The following ALMS1 variants were observed in gnomAD, a reference collection of about 807,000 sequenced individuals.
The protein encoded by ALMS1 is centrosome-associated protein ALMS1.
In ALMS1, 271 loss-of-function variants were observed where a neutral mutation model predicts 352.2. The ratio of observed to expected loss-of-function variants is 0.77; its 90% CI spans 0.70 to 0.85. The LOEUF (loss-of-function observed/expected upper bound fraction) is 0.85. Ranked by LOEUF, ALMS1 falls within the 40% of genes least tolerant of loss-of-function variation. The probability of loss-of-function intolerance (pLI) is 0.00; values close to 1 mark genes in which losing one functional copy is unlikely to be tolerated. For missense variants in ALMS1, 5,445 were observed against 4,870.7 expected (o/e 1.12, Z -3.51); for synonymous variants, 1,865 against 1,761.2 (o/e 1.06, Z -1.48).
At chr2:73,602,098 G>T in intron 19 of ALMS1, 87 bp from the exon 20 acceptor site, 1 of 1,356,842 alleles carries the variant, frequency 7.4e-7, no homozygotes. Context: ...CAAACCTCTT[G>T]GGCAGGTGGT....
At position 73,451,248 on chromosome 2, in the gene ALMS1, G is replaced by C; in HGVS notation, c.4721G>C (p.Gly1574Ala). The change falls in exon 8 of 23, where the codon GGA (glycine) becomes GCA (alanine). Residue 1574 changes from glycine to alanine, a missense_variant. Gly to Ala is a moderately conservative substitution (Grantham distance 60). Transcript: ENST00000613296. ...ATAACCTCTACTTCCTACTCATTTG[G>C]AGAGAAGCCGATTGTTAACTACAAA... ...PTITSTSYSF[G>A]EKPIVNYKQA... 1 of 1,613,692 alleles carries C rather than the reference G, an allele frequency of 6.2e-7. No individual in the cohort carries two copies. Among genetic ancestry groups the C allele is most frequent in the South Asian group, 1.1e-5 (1 of 91,056 alleles).
intron 10 of ALMS1, among the ~76,000 whole-genome samples, chr2:73,510,877 C>G (rs528448267): frequency 6.6e-6 from 1 of 152,336 alleles, no homozygotes; most frequent in South Asian, 2.1e-4. Context: ...AAGCCCCTGA[C>G]TGGGGCTGCT....
At chr2:73,588,359 G>A (rs1365174725) in intron 16 of ALMS1, among the ~76,000 whole-genome samples, 1 of 149,608 alleles carries the variant, frequency 6.7e-6, no homozygotes, top group East Asian at 1.9e-4. Flanking sequence ...TCACCCACAC[G>A]TGCACTTGTG....
intron 1 of ALMS1, among the ~76,000 whole-genome samples, chr2:73,398,232 G>A (rs1437098861): frequency 6.6e-6 from 1 of 152,148 alleles, no homozygotes; most frequent in Non-Finnish European, 1.5e-5. Context: ...AGCACCATTT[G>A]TTGAGAAGAC....
chr2:73,443,131 G>A (rs1393080815), intron 7 of ALMS1, among the ~76,000 whole-genome samples: 1 of 152,138 alleles, frequency 6.6e-6, no homozygotes, highest in Non-Finnish European at 1.5e-5. Context: ...TCAGTATTAA[G>A]CCAAAATAGT....
chr2:73,580,225 T>G (rs533235313), intron 16 of ALMS1, among the ~76,000 whole-genome samples: 2 of 152,126 alleles, frequency 1.3e-5, no homozygotes, highest in African/African-American at 4.8e-5. Context: ...CTACAAGGCA[T>G]GCACCACCAC....
intron 15 of ALMS1, among the ~76,000 whole-genome samples, chr2:73,571,507 C>G (rs551977351): frequency 6.6e-6 from 1 of 152,260 alleles, no homozygotes; most frequent in East Asian, 1.9e-4. Context: ...AAACAGGAGC[C>G]TTCAGGCCAA....
intron 11 of ALMS1, among the ~76,000 whole-genome samples, chr2:73,529,864 A>T (rs2103982301): frequency 6.6e-6 from 1 of 152,320 alleles, no homozygotes; most frequent in African/African-American, 2.4e-5. Flanking sequence ...ACATGGGGGC[A>T]GGAGAGAGTG....
At chr2:73,394,994 ATATATATGTG>A (rs1382159453) in intron 1 of ALMS1, among the ~76,000 whole-genome samples, 1 of 136,454 alleles carries the variant, frequency 7.3e-6, no homozygotes, top group East Asian at 2.0e-4. Flanking sequence ...ATATGTGTAT[ATATATATGTG>A]TATATATATG....
At chr2:73,534,785 TG>T in intron 11 of ALMS1, 38 bp from the exon 12 acceptor site, 2 of 1,604,834 alleles carry the variant, frequency 1.2e-6, no homozygotes, top group Non-Finnish European at 1.7e-6. Context: ...AATTAACAAA[TG>T]TTTTTCATAT....
intron 10 of ALMS1, among the ~76,000 whole-genome samples, chr2:73,502,717 A>G (rs1043063128): frequency 6.6e-6 from 1 of 152,070 alleles, no homozygotes; most frequent in African/African-American, 2.4e-5. Context: ...GATCAACTGT[A>G]TTGTTGAAAT....
intron 16 of ALMS1, among the ~76,000 whole-genome samples, chr2:73,583,333 A>G (rs965765210): frequency 1.3e-5 from 2 of 151,598 alleles, no homozygotes; most frequent in African/African-American, 2.4e-5. Flanking sequence ...TGGCCTGCCC[A>G]TCTTTTAGTT....
chr2:73,416,524 A>T (rs1671184343), intron 2 of ALMS1, among the ~76,000 whole-genome samples: 1 of 152,208 alleles, frequency 6.6e-6, no homozygotes. Flanking sequence ...TGAATTTTAA[A>T]TATTAGAAAT....
In ALMS1 at chr2:73,600,348, G is replaced by A. The variant is rs114039696; in HGVS notation, c.11669-330G>A. On this transcript the variant is annotated intron_variant, in intron 17 of 22. Transcript: ENST00000613296. The stretch of plus-strand genomic sequence containing the variant: ...TTCTGTCAGCCTCTTCCTTACCTGC[G>A]TGACTACCAAAAGGACTCTTAAGTA... 5.0e-3 allele frequency among the ~76,000 whole-genome samples: 764 copies of A among 152,104 alleles called. 8 individuals are homozygous for A. The highest frequency in any genetic ancestry group is 0.018 in the African/African-American group (734 of 41,476).
At chr2:73,478,387 T>G (rs1672624964) in intron 9 of ALMS1, among the ~76,000 whole-genome samples, 1 of 152,148 alleles carries the variant, frequency 6.6e-6, no homozygotes, top group Admixed American at 6.5e-5. Flanking sequence ...GCATGAAGTG[T>G]TAAAAAATTT....
chr2:73,412,969 T>G (rs1572907146), intron 2 of ALMS1, among the ~76,000 whole-genome samples: 1 of 152,200 alleles, frequency 6.6e-6, no homozygotes, highest in South Asian at 2.1e-4. Flanking sequence ...CAGCTGTTGG[T>G]ATCATCAGTT....
At chr2:73,583,893 A>G (rs1221771857) in intron 16 of ALMS1, among the ~76,000 whole-genome samples, 1 of 152,174 alleles carries the variant, frequency 6.6e-6, no homozygotes, top group Non-Finnish European at 1.5e-5. Context: ...CTCTGGTAAT[A>G]TGTTTTCAAA....
At chr2:73,447,405 A>T (rs1293991746) in intron 7 of ALMS1, among the ~76,000 whole-genome samples, 1 of 152,024 alleles carries the variant, frequency 6.6e-6, no homozygotes, top group Non-Finnish European at 1.5e-5. Context: ...ACTTAAATAT[A>T]TATATATTAT....
At chr2:73,458,396 A>G (rs1227242915) in intron 9 of ALMS1, 2 of 152,226 alleles carry the variant, frequency 1.3e-5, no homozygotes, top group Non-Finnish European at 2.9e-5. Flanking sequence ...CATTCATTCC[A>G]AAAATACATA....
Sources: allele counts gnomAD v4.1 joint callset (sites outside exome capture counted in the v4.1 genomes callset), GRCh38; gene constraint gnomAD v4.1.1; transcripts MANE v1.5; gene names NCBI Gene and HGNC (gene_info 2026-07-23, HGNC 2026-07-21).